Variants in CEP70 observed in about 807,000 individuals in gnomAD.
CEP70 encodes the protein centrosomal protein 70.
A neutral mutation model predicts 90.9 loss-of-function variants in CEP70; 70 were observed. The observed-to-expected ratio is 0.77, with a 90% CI of 0.64 to 0.94. CEP70 has a LOEUF of 0.94. CEP70 is among the 40% of genes least tolerant of loss of function. The pLI is 0.00. For synonymous variants in CEP70, 220 were observed against 228.3 expected, an observed-to-expected ratio of 0.96 and a Z score of 0.33; for missense variants, 648 against 669.0, an observed-to-expected ratio of 0.97 and a Z score of 0.35.
intron 2 of CEP70, among the ~76,000 whole-genome samples, chr3:138,577,307 C>A (rs1393894475): frequency 6.6e-6 from 1 of 152,102 alleles, no homozygotes; most frequent in Non-Finnish European, 1.5e-5. Context: ...AACAAACCTG[C>A]ACGCTGTCAT....
At chr3:138,549,757 GT>G (rs764210904) in intron 6 of CEP70, among the ~76,000 whole-genome samples, 20 of 152,264 alleles carry the variant, frequency 1.3e-4, no homozygotes, top group Non-Finnish European at 2.5e-4. Flanking sequence ...AGGTCAACCA[GT>G]GTAAAAATAG....
chr3:138,507,645 C>T (rs62282907), intron 12 of CEP70, among the ~76,000 whole-genome samples: 5,650 of 152,020 alleles, frequency 0.037, 159 homozygotes, highest in Non-Finnish European at 0.058. Context: ...AAAAAAGTAG[C>T]GTATTAGAGA....
At chr3:138,495,248 G>A (rs559429114) in intron 17 of CEP70, among the ~76,000 whole-genome samples, 172 bp from the exon 18 acceptor site, 67 of 152,180 alleles carry the variant, frequency 4.4e-4, no homozygotes, top group African/African-American at 1.5e-3. Flanking sequence ...TCACTGATTC[G>A]GATACAGATG....
At chr3:138,506,530 C>T (rs2035005756) in intron 12 of CEP70, among the ~76,000 whole-genome samples, 1 of 152,154 alleles carries the variant, frequency 6.6e-6, no homozygotes, top group Admixed American at 6.5e-5. Flanking sequence ...CCTATTACCA[C>T]CATCAAGTTC....
chr3:138,543,982 CA>C (rs2038967328), intron 6 of CEP70, among the ~76,000 whole-genome samples: 1 of 150,778 alleles, frequency 6.6e-6, no homozygotes, highest in African/African-American at 2.5e-5. Flanking sequence ...GTGATCAAGG[CA>C]AGATATCTAT....
chr3:138,535,072 C>G (rs751104307), intron 7 of CEP70, among the ~76,000 whole-genome samples: 2 of 152,172 alleles, frequency 1.3e-5, no homozygotes, highest in Non-Finnish European at 2.9e-5. Context: ...AACTCAAACT[C>G]TTCGGCCAAT....
At chr3:138,541,622 C>T (rs1424442877) in intron 6 of CEP70, among the ~76,000 whole-genome samples, 2 of 152,070 alleles carry the variant, frequency 1.3e-5, no homozygotes, top group Non-Finnish European at 2.9e-5. Context: ...GGTATAAAAC[C>T]CATTGGTAAA....
At chr3:138,550,532 T>G (rs1031428284) in intron 6 of CEP70, among the ~76,000 whole-genome samples, 5 of 152,186 alleles carry the variant, frequency 3.3e-5, no homozygotes, top group African/African-American at 1.2e-4. Flanking sequence ...CTTGGCTAAT[T>G]TTGTATTTTT....
chr3:138,586,384 C>A (rs1644795900), intron 2 of CEP70, among the ~76,000 whole-genome samples: 1 of 152,126 alleles, frequency 6.6e-6, no homozygotes, highest in African/African-American at 2.4e-5. Flanking sequence ...CTCATGTTTA[C>A]TGCAGCATTA....
intron 10 of CEP70, among the ~76,000 whole-genome samples, chr3:138,526,994 G>A (rs1288431925): frequency 7.5e-6 from 1 of 133,290 alleles, no homozygotes; most frequent in African/African-American, 3.3e-5. Context: ...TAATCATGCT[G>A]AGTGAAAGAC....
chr3:138,521,415 C>G (rs1156334960), intron 11 of CEP70, among the ~76,000 whole-genome samples: 1 of 150,880 alleles, frequency 6.6e-6, no homozygotes, highest in South Asian at 2.1e-4. Flanking sequence ...CCCCTCTGCC[C>G]AGCCGCCCAG....
intron 6 of CEP70, among the ~76,000 whole-genome samples, chr3:138,568,210 G>A (rs2040918977): frequency 6.6e-6 from 1 of 152,070 alleles, no homozygotes; most frequent in African/African-American, 2.4e-5. Flanking sequence ...TTTGGGACCT[G>A]GAACAAAGAG....
At chr3:138,569,573 AG>A (rs1347979882) in intron 6 of CEP70, among the ~76,000 whole-genome samples, 1 of 152,204 alleles carries the variant, frequency 6.6e-6, no homozygotes, top group African/African-American at 2.4e-5. Flanking sequence ...AGACATAAAA[AG>A]TTGTAGATGC....
At position 138,500,202 on chromosome 3, in the gene CEP70, C is replaced by T; in HGVS notation, c.1560G>A (p.Val520=). ...LELDSSSSLC[V]LVSTVGKLCR... ...AGAGTTTTCCAACAGTGCTTACTAGCACACACAATGAGGATGAACTATCTG... is the reference window on the plus strand; with the variant it reads ...AGAGTTTTCCAACAGTGCTTACTAGTACACACAATGAGGATGAACTATCTG... Residue 520 remains valine, a synonymous_variant, in exon 16 of 18, where the codon GTG becomes GTA. Transcript: ENST00000264982. 1 of 1,612,494 alleles carries T rather than the reference C, an allele frequency of 6.2e-7. No individual in the cohort carries two copies. Among genetic ancestry groups the T allele is most frequent in the Non-Finnish European group, 8.5e-7 (1 of 1,178,538 alleles).
At chr3:138,543,857 CTTG>C (rs1327264757) in intron 6 of CEP70, among the ~76,000 whole-genome samples, 1 of 152,220 alleles carries the variant, frequency 6.6e-6, no homozygotes, top group Non-Finnish European at 1.5e-5. Flanking sequence ...ACTACAGCAA[CTTG>C]TTAAGGTATA....
At chr3:138,546,287 G>A (rs1400568567) in intron 6 of CEP70, among the ~76,000 whole-genome samples, 1 of 152,104 alleles carries the variant, frequency 6.6e-6, no homozygotes, top group African/African-American at 2.4e-5. Context: ...AATATGTATA[G>A]CTAGTATGTA....
intron 2 of CEP70, among the ~76,000 whole-genome samples, chr3:138,583,236 A>G (rs1316136181): frequency 1.3e-5 from 2 of 152,216 alleles, no homozygotes; most frequent in Non-Finnish European, 2.9e-5. Context: ...ATATAATGAT[A>G]AACAGGTCAA....
intron 6 of CEP70, among the ~76,000 whole-genome samples, chr3:138,542,793 T>C (rs910124045): frequency 2.0e-5 from 3 of 152,198 alleles, no homozygotes; most frequent in Non-Finnish European, 4.4e-5. Flanking sequence ...TCTTGTCCTG[T>C]GTCCAGGAAG....
At chr3:138,561,370 CAG>C (rs2040393566) in intron 6 of CEP70, among the ~76,000 whole-genome samples, 1 of 152,092 alleles carries the variant, frequency 6.6e-6, no homozygotes, top group Non-Finnish European at 1.5e-5. Context: ...GATGTCCACT[CAG>C]AGACCCCATC....
Sources: gnomAD v4.1 joint callset for allele counts (sites outside exome capture counted in the v4.1 genomes callset) on GRCh38, gnomAD v4.1.1 for gene constraint, MANE v1.5 for transcripts, NCBI Gene and HGNC (gene_info 2026-07-23, HGNC 2026-07-21) for gene names.